The following DDX24 variants were observed in gnomAD, a reference collection of about 807,000 sequenced individuals.
The protein encoded by DDX24 is DEAD-box helicase 24.
In DDX24, 24 loss-of-function variants were observed where a neutral mutation model predicts 68.9. The ratio of observed to expected loss-of-function variants is 0.35; its 90% CI spans 0.25 to 0.49. DDX24 has a LOEUF of 0.49. Among genes scored for constraint, DDX24 ranks in the 20% least tolerant of loss-of-function variants. The probability of loss-of-function intolerance (pLI) is 0.99; values close to 1 mark genes in which losing one functional copy is unlikely to be tolerated. For missense variants in DDX24, 989 were observed against 1,039.0 expected, an observed-to-expected ratio of 0.95 and a Z score of 0.66; for synonymous variants, 395 against 385.2, an observed-to-expected ratio of 1.03 and a Z score of -0.30.
intron 5 of DDX24, 58 bp from the exon 6 acceptor site, chr14:94,057,955 CT>C: frequency 6.6e-7 from 1 of 1,521,222 alleles, no homozygotes. Context: ...TAATCAAATT[CT>C]TACCAACTGC....
intron 2 of DDX24, among the ~76,000 whole-genome samples, chr14:94,074,039 T>A (rs917224813): frequency 2.1e-5 from 3 of 142,468 alleles, no homozygotes; most frequent in Admixed American, 7.1e-5. Flanking sequence ...CGAGACTCCA[T>A]CTCAAAAAAA....
chr14:94,052,708 A>C (rs1885409638), intron 8 of DDX24, among the ~76,000 whole-genome samples: 1 of 152,228 alleles, frequency 6.6e-6, no homozygotes, highest in Admixed American at 6.5e-5. Flanking sequence ...TAAGGCAATG[A>C]GCCGGCATTC....
chr14:94,079,168 G>C lies in DDX24; in HGVS notation c.575C>G (p.Ser192Ter). ...GGGAACAAACAGGTCCTTCCAAGCT[G>C]ACACATCTGCTTTCTGATCATGAAC... Reference protein sequence around the residue: ...PEVHDQKADVSAWKDLFVPRP... With the variant: ...PEVHDQKADV The change falls in exon 2 of 9, where the codon TCA becomes TGA. Residue 192 changes from serine to a stop codon, truncating the protein, a stop_gained. Transcript: ENST00000621632. LOFTEE classifies it high-confidence loss of function. 1 of 1,614,200 alleles carries C rather than the reference G, an allele frequency of 6.2e-7. No individual in the cohort carries two copies. The highest frequency in any genetic ancestry group is 8.5e-7 in the Non-Finnish European group (1 of 1,180,034).
chr14:94,059,110 T>C (rs1885544124), intron 5 of DDX24, among the ~76,000 whole-genome samples: 1 of 152,260 alleles, frequency 6.6e-6, no homozygotes, highest in African/African-American at 2.4e-5. Context: ...ACGAGGCCTA[T>C]AGTTTGCCAA....
At chr14:94,054,510 T>C (rs1885454828) in intron 7 of DDX24, among the ~76,000 whole-genome samples, 1 of 152,192 alleles carries the variant, frequency 6.6e-6, no homozygotes, top group Admixed American at 6.5e-5. Context: ...CTGGCAAACC[T>C]CTGGGAAGGA....
Position 94,053,056 on chromosome 14 carries a change from A to G in DDX24, c.2250T>C (p.Ser750=). 4 of 1,614,084 alleles carry G rather than the reference A, an allele frequency of 2.5e-6. No homozygotes were observed. The highest frequency in any genetic ancestry group is 2.5e-6 in the Non-Finnish European group (3 of 1,179,986). ...GGGCAGCTGCTGCCTGCTCAATCCA[A>G]GAGTTGTGCAGGCAAGCCTGGAAGT... ...YRNFQACLHN[S]WIEQAAAALE... is the part of the protein sequence containing the mutation. Residue 750 remains serine (S), a synonymous_variant, in exon 8 of 9, where the codon TCT becomes TCC. Transcript: ENST00000621632.
At chr14:94,065,294 C>T (rs1184776727) in intron 2 of DDX24, among the ~76,000 whole-genome samples, 1 of 151,828 alleles carries the variant, frequency 6.6e-6, no homozygotes, top group Non-Finnish European at 1.5e-5. Flanking sequence ...CCTCGTGATC[C>T]ACCTGCCCTG....
At chr14:94,076,818 G>C (rs1885950781) in intron 2 of DDX24, among the ~76,000 whole-genome samples, 1 of 152,048 alleles carries the variant, frequency 6.6e-6, no homozygotes, top group African/African-American at 2.4e-5. Flanking sequence ...GTATCTTTTT[G>C]GGGGTAATGG....
In DDX24 at chr14:94,051,069, G is replaced by A. The variant is rs1383346441; in HGVS notation, c.*122C>T. ...GAGGTCTCTCCCGCTATGGGTGTGA[G>A]TGGAAGAGAGGGAGACTTTTTTACC... On this transcript the variant is annotated 3_prime_UTR_variant, in exon 9 of 9. Coordinates refer to ENST00000621632, the MANE Select transcript of DDX24 (RefSeq NM_020414.4). The A allele has an allele frequency of 1.6e-6, 2 of 1,220,020 alleles. No homozygotes were observed. The highest frequency in any genetic ancestry group is 1.1e-6 in the Non-Finnish European group (1 of 889,598). 75.6% of individuals were successfully genotyped at this position (1,220,020 alleles called of 1,614,324 possible). A position where few individuals can be genotyped will look rare whatever the true frequency, so the allele number is the denominator to read the frequency against.
chr14:94,080,528 C>G (rs530588950), intron 1 of DDX24, among the ~76,000 whole-genome samples: 2 of 152,186 alleles, frequency 1.3e-5, no homozygotes, highest in East Asian at 1.9e-4. Flanking sequence ...ATCTCTGAGT[C>G]TCTTATTTCC....
At position 94,053,077 on chromosome 14, in the gene DDX24, G is replaced by C; in HGVS notation, c.2229C>G (p.Phe743Leu). Residue 743 changes from phenylalanine to leucine, a missense_variant, in exon 8 of 9, where the codon TTC (phenylalanine) becomes TTG (leucine). This residue lies in a region of DDX24 where 691 missense variants were observed against 760.0 expected (regional missense o/e 0.91). Coordinates refer to ENST00000621632, the MANE Select transcript of DDX24 (RefSeq NM_020414.4). ...RQIEKSEYRN[F>L]QACLHNSWIE... ...TCCAAGAGTTGTGCAGGCAAGCCTG[G>C]AAGTTCCGATACTCAGATTTCTCAA... 6.2e-7 allele frequency: 1 copy of C among 1,614,192 alleles called. No homozygotes were observed. The highest frequency in any genetic ancestry group is 8.5e-7 in the Non-Finnish European group (1 of 1,180,046).
At chr14:94,068,023 G>T (rs967011365) in intron 2 of DDX24, among the ~76,000 whole-genome samples, 2 of 152,134 alleles carry the variant, frequency 1.3e-5, no homozygotes, top group African/African-American at 4.8e-5. Context: ...TACTAACATT[G>T]AATGGAAATG....
At chr14:94,059,803 T>C (rs1885557025) in intron 5 of DDX24, among the ~76,000 whole-genome samples, 1 of 152,236 alleles carries the variant, frequency 6.6e-6, no homozygotes, top group Non-Finnish European at 1.5e-5. Context: ...CTGAATGTGA[T>C]TCTGAATCTA....
At chr14:94,065,054 CTT>C (rs57434417) in intron 2 of DDX24, among the ~76,000 whole-genome samples, 2 of 144,256 alleles carry the variant, frequency 1.4e-5, no homozygotes, top group South Asian at 2.2e-4. Context: ...GGTAGAAAAT[CTT>C]TTTTTTTTTT....
In DDX24 at chr14:94,062,550, C is replaced by G. The variant is rs1282679266; in HGVS notation, c.790G>C (p.Ala264Pro). 1.2e-6 allele frequency: 2 copies of G among 1,613,996 alleles called. No homozygotes were observed. Among genetic ancestry groups the G allele is most frequent in the African/African-American group, 2.7e-5 (2 of 74,910 alleles). Residue 264 changes from alanine to proline, a missense_variant, in exon 3 of 9, where the codon GCC becomes CCC. By Grantham distance (27) the Ala-to-Pro change is conservative. Coordinates refer to ENST00000621632, the MANE Select transcript of DDX24 (RefSeq NM_020414.4). ...AVLQWQKRNA[A>P]PPPSNTEAPP... ...GCTTCGGTGTTACTTGGAGGAGGGG[C>G]AGCATTCCTCTTCTGCCACTGCAAC...
At chr14:94,073,172 G>A (rs937322216) in intron 2 of DDX24, among the ~76,000 whole-genome samples, 3 of 147,668 alleles carry the variant, frequency 2.0e-5, no homozygotes, top group East Asian at 4.0e-4. Flanking sequence ...TGCAACCTCC[G>A]CCCCCTGGGT....
At chr14:94,051,770 T>A in intron 8 of DDX24, 1 of 303,684 alleles carries the variant, frequency 3.3e-6, no homozygotes, top group Non-Finnish European at 6.0e-6. Context: ...ACAGAGCCAG[T>A]CATCAGACAG....
intron 2 of DDX24, 100 bp downstream of exon 2, chr14:94,078,924 GT>G: frequency 7.7e-7 from 1 of 1,301,438 alleles, no homozygotes; most frequent in Non-Finnish European, 1.1e-6. Flanking sequence ...TGCTTTTGTG[GT>G]TATGTTCTTC....
At position 94,081,181 on chromosome 14, in the gene DDX24, T is replaced by C. The variant is rs1409890165; in HGVS notation, c.-68A>G. Reference sequence around the variant, plus strand: ...TGAAGAACCTCAGAAACCGCCGCTGTACCTCAGCTGCAGCAGCAACTGCAG... The same window carrying C: ...TGAAGAACCTCAGAAACCGCCGCTGCACCTCAGCTGCAGCAGCAACTGCAG... On this transcript the variant is annotated 5_prime_UTR_variant, in exon 1 of 9. Coordinates refer to ENST00000621632, the MANE Select transcript of DDX24 (RefSeq NM_020414.4). 6.6e-6 allele frequency: 1 copy of C among 152,314 alleles called. No homozygotes were observed. Among genetic ancestry groups the C allele is most frequent in the African/African-American group, 2.4e-5 (1 of 41,478 alleles). 9.4% of individuals were successfully genotyped at this position (152,314 alleles called of 1,614,324 possible). A position where few individuals can be genotyped will look rare whatever the true frequency, so the allele number is the denominator to read the frequency against.
Sources: allele counts gnomAD v4.1 joint callset (sites outside exome capture counted in the v4.1 genomes callset), GRCh38; gene constraint gnomAD v4.1.1; regional missense constraint gnomAD v4.1.1; transcripts MANE v1.5; gene names NCBI Gene and HGNC (gene_info 2026-07-23, HGNC 2026-07-21).